The following S100Z variants were observed in gnomAD, a reference collection of about 807,000 sequenced individuals.
S100Z encodes S100 calcium binding protein Z.
A neutral mutation model predicts 8.5 loss-of-function variants in S100Z; 11 were observed. The observed-to-expected ratio is 1.30, with a 90% CI of 0.82 to 2.15. The LOEUF is 2.15. Among genes scored for constraint, S100Z ranks in the 30% most tolerant of loss-of-function variants. The probability of loss-of-function intolerance (pLI) is 0.00; values close to 1 mark genes in which losing one functional copy is unlikely to be tolerated. For missense variants in S100Z, 126 were observed against 117.9 expected (o/e 1.07, Z -0.32); for synonymous variants, 34 against 43.8 (o/e 0.78, Z 0.89).
chr5:76,863,430 A>G (rs1294615947), intron 1 of S100Z, among the ~76,000 whole-genome samples: 4 of 152,254 alleles, frequency 2.6e-5, no homozygotes, highest in Non-Finnish European at 4.4e-5. Context: ...AGGCCCATTT[A>G]TATCACATAA....
intron 4 of S100Z, among the ~76,000 whole-genome samples, chr5:76,893,010 C>T (rs992073008): frequency 6.6e-6 from 1 of 152,116 alleles, no homozygotes; most frequent in Non-Finnish European, 1.5e-5. Context: ...CCAGGCCCTC[C>T]AGGAGACTTA....
In S100Z at chr5:76,886,786, G is replaced by A. The variant is rs141656195; in HGVS notation, c.*2+8952G>A. 7.0e-3 allele frequency among the ~76,000 whole-genome samples: 1,071 copies of A among 152,272 alleles called. 17 individuals carry two copies. The highest frequency in any genetic ancestry group is 0.023 in the African/African-American group (954 of 41,532). On this transcript the variant is annotated intron_variant, in intron 4 of 4. Transcript: ENST00000317593. ...TTTGCAGGCAGGGGGTGGATCTCAC[G>A]AAGTACATTCTCAAGGATAGGGAGA...
intron 4 of S100Z, among the ~76,000 whole-genome samples, chr5:76,895,723 A>G (rs559481183): frequency 6.7e-6 from 1 of 149,474 alleles, no homozygotes; most frequent in Non-Finnish European, 1.5e-5. Flanking sequence ...TTTAAAATAT[A>G]GAGGGGTTTT....
At chr5:76,872,458 T>C (rs942695557) in intron 2 of S100Z, among the ~76,000 whole-genome samples, 5 of 151,896 alleles carry the variant, frequency 3.3e-5, no homozygotes, top group African/African-American at 1.2e-4. Context: ...GGCCAGGAGT[T>C]TGACACCAGC....
At chr5:76,919,579 T>C in intron 4 of S100Z, among the ~76,000 whole-genome samples, 1 of 69,488 alleles carries the variant, frequency 1.4e-5, no homozygotes, top group Non-Finnish European at 2.9e-5. Flanking sequence ...TCTCTCTCTC[T>C]CTTTCTCTCT....
intron 2 of S100Z, 56 bp from the exon 3 acceptor site, chr5:76,875,248 A>C: frequency 1.0e-6 from 1 of 953,408 alleles, no homozygotes; most frequent in East Asian, 2.7e-5. Flanking sequence ...GGGGGATTGT[A>C]ATATTCTGTT....
intron 4 of S100Z, among the ~76,000 whole-genome samples, chr5:76,886,563 G>A (rs533551453): frequency 4.6e-5 from 7 of 152,282 alleles, no homozygotes; most frequent in South Asian, 2.1e-4. Flanking sequence ...AAGGAGTCCC[G>A]CTGACCGGGG....
intron 4 of S100Z, among the ~76,000 whole-genome samples, chr5:76,887,100 CTTT>C (rs775761857): frequency 7.1e-6 from 1 of 140,258 alleles, no homozygotes. Flanking sequence ...CTTTTCTTTT[CTTT>C]TTTTTTTTTT....
chr5:76,902,452 C>G (rs1162938306), intron 4 of S100Z, among the ~76,000 whole-genome samples: 2 of 152,176 alleles, frequency 1.3e-5, no homozygotes, highest in Admixed American at 6.5e-5. Context: ...TCCCAGTGCC[C>G]AGAAATGCCC....
the S100Z span, among the ~76,000 whole-genome samples, chr5:76,944,667 A>G: frequency 3.3e-5 from 5 of 152,098 alleles, no homozygotes; most frequent in African/African-American, 1.2e-4. Flanking sequence ...TGCTGTCCTT[A>G]TTTAGATCCT....
chr5:76,859,768 C>CAAAAGAAAAAAA (rs1750998139), intron 1 of S100Z, among the ~76,000 whole-genome samples: 1 of 97,664 alleles, frequency 1.0e-5, no homozygotes, highest in Non-Finnish European at 2.0e-5. Flanking sequence ...GCAACAGAGC[C>CAAAAGAAAAAAA]AAAAAAAAAA....
intron 4 of S100Z, among the ~76,000 whole-genome samples, chr5:76,887,265 T>A (rs985571016): frequency 6.6e-6 from 1 of 150,794 alleles, no homozygotes; most frequent in Non-Finnish European, 1.5e-5. Flanking sequence ...CCCAGCTAAT[T>A]TTTGTATTTT....
At chr5:76,939,855 C>G in the S100Z span, among the ~76,000 whole-genome samples, 1 of 151,794 alleles carries the variant, frequency 6.6e-6, no homozygotes, top group Non-Finnish European at 1.5e-5. Flanking sequence ...ACGTCTGACT[C>G]CTTTAAAAAA....
chr5:76,942,605 C>T, the S100Z span, among the ~76,000 whole-genome samples: 1 of 152,192 alleles, frequency 6.6e-6, no homozygotes, highest in Admixed American at 6.5e-5. Context: ...CCAACACCAG[C>T]TGGTGAGAGT....
intron 1 of S100Z, among the ~76,000 whole-genome samples, chr5:76,856,872 G>A (rs1316580854): frequency 6.6e-6 from 1 of 152,178 alleles, no homozygotes; most frequent in Non-Finnish European, 1.5e-5. Context: ...AGATGAAATT[G>A]CCTAGGTTGA....
At chr5:76,948,325 C>CTAAATAAATAAG in the S100Z span, among the ~76,000 whole-genome samples, 8 of 147,756 alleles carry the variant, frequency 5.4e-5, no homozygotes, top group Middle Eastern at 3.2e-3. Context: ...GACTCTGTCT[C>CTAAATAAATAAG]TAAATAAATA....
At chr5:76,872,629 C>A (rs1255037282) in intron 2 of S100Z, among the ~76,000 whole-genome samples, 2 of 151,878 alleles carry the variant, frequency 1.3e-5, no homozygotes, top group Admixed American at 6.6e-5. Flanking sequence ...CACTGCATTC[C>A]AGCATGGGTG....
At chr5:76,904,211 T>G (rs1234825595) in intron 4 of S100Z, among the ~76,000 whole-genome samples, 3 of 152,196 alleles carry the variant, frequency 2.0e-5, no homozygotes, top group African/African-American at 7.2e-5. Flanking sequence ...CTTTTCTTTT[T>G]GAGACAAGGT....
chr5:76,952,255 A>C, the S100Z span, among the ~76,000 whole-genome samples: 4 of 152,210 alleles, frequency 2.6e-5, no homozygotes, highest in Non-Finnish European at 5.9e-5. Context: ...AGGTATTTGA[A>C]GGCACGAAAT....
Sources: gnomAD v4.1 joint callset for allele counts (sites outside exome capture counted in the v4.1 genomes callset) on GRCh38, gnomAD v4.1.1 for gene constraint, MANE v1.5 for transcripts, NCBI Gene and HGNC (gene_info 2026-07-23, HGNC 2026-07-21) for gene names.